The following TET1 variants were observed in gnomAD, a reference collection of about 807,000 sequenced individuals.
The protein encoded by TET1 is methylcytosine dioxygenase TET1.
TET1 carries 13 observed loss-of-function variants against 148.7 expected under a neutral mutation model. The observed-to-expected ratio is 0.09, with a 90% CI of 0.06 to 0.14. The LOEUF is 0.14. Ranked by LOEUF, TET1 falls within the 10% of genes least tolerant of loss-of-function variation. TET1 has a pLI of 1.00. For missense variants in TET1, 2,182 were observed against 2,553.8 expected (o/e 0.85, Z 3.14); for synonymous variants, 907 against 937.2 (o/e 0.97, Z 0.59).
intron 1 of TET1, among the ~76,000 whole-genome samples, chr10:68,561,111 A>C (rs2053547240): frequency 6.6e-6 from 1 of 152,022 alleles, no homozygotes; most frequent in Admixed American, 6.5e-5. Flanking sequence ...GGCTGAATAT[A>C]CCAGCGGTTG....
At chr10:68,591,608 C>T (rs2053919610) in intron 2 of TET1, among the ~76,000 whole-genome samples, 1 of 152,106 alleles carries the variant, frequency 6.6e-6, no homozygotes, top group South Asian at 2.1e-4. Flanking sequence ...TCAACAAAAA[C>T]AGCCTACATA....
intron 1 of TET1, among the ~76,000 whole-genome samples, chr10:68,564,399 T>C (rs1216575873): frequency 1.3e-5 from 2 of 152,178 alleles, no homozygotes; most frequent in Non-Finnish European, 2.9e-5. Flanking sequence ...TCCACCTGCC[T>C]CAGCTTCCCA....
intron 2 of TET1, among the ~76,000 whole-genome samples, chr10:68,594,402 T>G (rs749488236): frequency 1.3e-5 from 2 of 152,176 alleles, no homozygotes; most frequent in Admixed American, 6.5e-5. Context: ...TTCACCTACT[T>G]TTTCCTCAAT....
chr10:68,614,954 T>C (rs1475989735), intron 3 of TET1, among the ~76,000 whole-genome samples: 3 of 151,962 alleles, frequency 2.0e-5, no homozygotes, highest in African/African-American at 7.3e-5. Flanking sequence ...CTTTTTTTTT[T>C]TGAGTTTTAC....
In TET1 at chr10:68,691,810, T is replaced by C. The variant is rs201444703; in HGVS notation, c.6407T>C (p.Val2136Ala). 5.0e-5 allele frequency: 81 copies of C among 1,605,560 alleles called. No homozygotes were observed. The highest frequency in any genetic ancestry group is 5.0e-4 in the Middle Eastern group (3 of 6,002). Residue 2136 changes from valine (V) to alanine (A), a missense_variant, in exon 12 of 12, where the codon GTC (valine) becomes GCC (alanine). Coordinates refer to ENST00000373644, the MANE Select transcript of TET1 (RefSeq NM_030625.3). The surrounding 1 kb of genome is among the most constrained non-coding windows in gnomAD (Gnocchi z 4.4). The stretch of plus-strand genomic sequence containing the variant: ...GTTGCGGGGCCCTATAACCATTGGG[T>C]CTGAAGGCTTTTCTCCCCCTCTTAA... ...THVAGPYNHWV is the reference protein window; with the variant it reads ...THVAGPYNHWA
Position 68,686,514 on chromosome 10 carries a change from G to C in TET1, c.5211G>C (p.Leu1737=). The C allele has an allele frequency of 6.2e-7, 1 of 1,614,106 alleles. No individual in the cohort carries two copies. The highest frequency in any genetic ancestry group is 2.2e-5 in the East Asian group (1 of 44,876). Residue 1737 remains leucine (L), a synonymous_variant, in exon 11 of 12, where the codon CTG becomes CTC. Coordinates refer to ENST00000373644, the MANE Select transcript of TET1 (RefSeq NM_030625.3). ...AKIKSGAIEV[L]APRRKKRTCF... ...TCAAATCTGGGGCCATCGAGGTCCTGGCACCCCGCCGCAAAAAAAGAACGT... is the reference window on the plus strand; with the variant it reads ...TCAAATCTGGGGCCATCGAGGTCCTCGCACCCCGCCGCAAAAAAAGAACGT...
intron 11 of TET1, among the ~76,000 whole-genome samples, chr10:68,689,228 T>C (rs1376637578): frequency 6.6e-6 from 1 of 152,198 alleles, no homozygotes; most frequent in Admixed American, 6.6e-5. Context: ...TCTTTAGAAA[T>C]GAGAGCTCTC....
intron 3 of TET1, among the ~76,000 whole-genome samples, chr10:68,622,908 C>T (rs530317664): frequency 1.6e-4 from 25 of 152,166 alleles, no homozygotes; most frequent in South Asian, 1.2e-3. Context: ...GGTACTTCCT[C>T]ATAATTAAAT....
Position 68,693,271 on chromosome 10 carries a change from A to G in TET1, c.*1457A>G, listed in dbSNP as rs1009759414. The G allele has an allele frequency of 8.6e-6, 2 of 232,864 alleles. No individual in the cohort carries two copies. The highest frequency in any genetic ancestry group is 4.4e-5 in the African/African-American group (2 of 45,250). The allele number at this position is 232,864 out of a possible 1,614,324, so 14.4% of individuals were successfully genotyped here. ...ATGTTTCGAACAAGGAGAATTTTCA[A>G]TGAAATACTTGATTCTGTTAAAATG... On this transcript the variant is annotated 3_prime_UTR_variant, in exon 12 of 12. Coordinates refer to ENST00000373644, the MANE Select transcript of TET1 (RefSeq NM_030625.3).
intron 6 of TET1, among the ~76,000 whole-genome samples, chr10:68,664,561 G>GTT (rs1393586293): frequency 6.8e-6 from 1 of 147,746 alleles, no homozygotes; most frequent in African/African-American, 2.5e-5. Context: ...TCATTTTTGT[G>GTT]TTTTATTGAA....
chr10:68,571,470 A>ATT (rs34243741), intron 1 of TET1, among the ~76,000 whole-genome samples: 11 of 136,162 alleles, frequency 8.1e-5, no homozygotes, highest in South Asian at 4.6e-4. Flanking sequence ...CACTCAGCTA[A>ATT]TTTTTTTTTT....
intron 3 of TET1, among the ~76,000 whole-genome samples, chr10:68,631,043 G>T (rs1293731449): frequency 6.6e-6 from 1 of 152,100 alleles, no homozygotes; most frequent in Non-Finnish European, 1.5e-5. Flanking sequence ...CAGGCATGAT[G>T]GTGTGTGCCT....
intron 3 of TET1, among the ~76,000 whole-genome samples, chr10:68,624,677 T>G (rs1351696268): frequency 8.9e-6 from 1 of 112,804 alleles, no homozygotes; most frequent in African/African-American, 3.8e-5. Context: ...TCTCTCTCTC[T>G]CTCTCTCTCT....
At chr10:68,667,334 C>A in intron 7 of TET1, 78 bp downstream of exon 7, 2 of 1,181,966 alleles carry the variant, frequency 1.7e-6, no homozygotes, top group South Asian at 1.5e-5. Flanking sequence ...TAGCTACCAA[C>A]TATGTATATT....
At chr10:68,668,443 G>T (rs1473315221) in intron 7 of TET1, among the ~76,000 whole-genome samples, 1 of 152,198 alleles carries the variant, frequency 6.6e-6, no homozygotes, top group Non-Finnish European at 1.5e-5. Context: ...CTTATAATCA[G>T]TTTCTAACAG....
chr10:68,562,795 C>A (rs1331857806), intron 1 of TET1, among the ~76,000 whole-genome samples: 1 of 152,122 alleles, frequency 6.6e-6, no homozygotes, highest in African/African-American at 2.4e-5. Flanking sequence ...CCTCCCCCAC[C>A]TTCTGAGCGT....
At chr10:68,654,029 C>T (rs1484257289) in intron 6 of TET1, among the ~76,000 whole-genome samples, 3 of 148,290 alleles carry the variant, frequency 2.0e-5, no homozygotes, top group East Asian at 2.0e-4. Flanking sequence ...ATCACTTGAA[C>T]CCAGGAGGCA....
At chr10:68,599,561 A>G (rs907223767) in intron 2 of TET1, among the ~76,000 whole-genome samples, 1 of 152,084 alleles carries the variant, frequency 6.6e-6, no homozygotes. Context: ...CCTACCACCC[A>G]CTGGGCGTGG....
At chr10:68,656,421 C>T (rs1187050559) in intron 6 of TET1, among the ~76,000 whole-genome samples, 1 of 152,092 alleles carries the variant, frequency 6.6e-6, no homozygotes, top group Non-Finnish European at 1.5e-5. Flanking sequence ...TGCCACCACA[C>T]CTGGCTAATT....
Sources: gnomAD v4.1 joint callset for allele counts (sites outside exome capture counted in the v4.1 genomes callset) on GRCh38, gnomAD v4.1.1 for gene constraint, Gnocchi (gnomAD v3.1) non-coding constraint, MANE v1.5 for transcripts, NCBI Gene and HGNC (gene_info 2026-07-23, HGNC 2026-07-21) for gene names.